TRIM2: variants seen among roughly 807,000 people sequenced by gnomAD.
TRIM2 encodes the protein tripartite motif containing 2, also known as tripartite motif-containing protein 2.
Under a neutral mutation model 75.2 loss-of-function variants are expected in TRIM2, and 20 were observed. That is an observed-to-expected ratio of 0.27 (90% CI 0.19 to 0.39). The LOEUF is 0.39. TRIM2 is among the 10% of genes least tolerant of loss of function. The pLI, the probability that TRIM2 is intolerant of heterozygous loss-of-function variation, is 1.00. For missense variants in TRIM2, 660 were observed against 990.8 expected, an observed-to-expected ratio of 0.67 and a Z score of 4.48; for synonymous variants, 373 against 388.3, an observed-to-expected ratio of 0.96 and a Z score of 0.46.
intron 9 of TRIM2, among the ~76,000 whole-genome samples, chr4:153,323,683 T>C (rs1769491329): frequency 6.6e-6 from 1 of 152,104 alleles, no homozygotes. Context: ...GAGTCTCTTT[T>C]CCAATGCTGA....
At position 153,339,083 on chromosome 4, in the gene TRIM2, TTTG is replaced by T. The variant is rs1772806147; in HGVS notation, c.*4120_*4122del. The T allele has an allele frequency of 1.0e-6, 1 of 985,854 alleles. No homozygotes were observed. The highest frequency in any genetic ancestry group is 4.7e-5 in the South Asian group (1 of 21,288). The allele number at this position is 985,854 out of a possible 1,614,324, so 61.1% of individuals were successfully genotyped here. A position where few individuals can be genotyped will look rare whatever the true frequency, so the allele number is the denominator to read the frequency against. Reference sequence around the variant, plus strand: ...CATTGATACTGATATATTCTCGTCATTTGTTCTTTTATGAATCAAAATGTTGAC... The same window carrying T: ...CATTGATACTGATATATTCTCGTCATTTCTTTTATGAATCAAAATGTTGAC... On this transcript the variant is annotated 3_prime_UTR_variant, in exon 12 of 12. Transcript: ENST00000338700.
At chr4:153,319,462 C>A (rs1444707244) in intron 8 of TRIM2, among the ~76,000 whole-genome samples, 1 of 152,156 alleles carries the variant, frequency 6.6e-6, no homozygotes, top group Non-Finnish European at 1.5e-5. Context: ...GGCACAGTGG[C>A]TCACATCTGT....
chr4:153,252,841 A>G (rs2149935194), intron 1 of TRIM2, among the ~76,000 whole-genome samples: 1 of 152,336 alleles, frequency 6.6e-6, no homozygotes, highest in South Asian at 2.1e-4. Flanking sequence ...AAACTACCAG[A>G]TATGAAGAAT....
intron 1 of TRIM2, among the ~76,000 whole-genome samples, chr4:153,264,104 C>A (rs1175376593): frequency 6.6e-6 from 1 of 152,126 alleles, no homozygotes; most frequent in Admixed American, 6.6e-5. Flanking sequence ...CAATTTTGAA[C>A]AGAATGGTCA....
At chr4:153,174,067 C>T (rs1579314402) in intron 1 of TRIM2, among the ~76,000 whole-genome samples, 1 of 53,692 alleles carries the variant, frequency 1.9e-5, no homozygotes, top group Non-Finnish European at 3.6e-5. Flanking sequence ...GCCCCAGGCC[C>T]CCGGGTGGGA....
chr4:153,266,334 T>C (rs1579145233), intron 1 of TRIM2, among the ~76,000 whole-genome samples: 1 of 141,442 alleles, frequency 7.1e-6, no homozygotes, highest in African/African-American at 2.7e-5. Context: ...CATGCCTGGC[T>C]AATTTTTGGG....
At chr4:153,221,969 AGGGAGG>A in intron 1 of TRIM2, among the ~76,000 whole-genome samples, 2 of 20,050 alleles carry the variant, frequency 1.0e-4, no homozygotes, top group African/African-American at 4.4e-4. Flanking sequence ...AGAGGGAGGA[AGGGAGG>A]AAGGAAGGAA....
chr4:153,307,122 C>T (rs1765177553), intron 6 of TRIM2, among the ~76,000 whole-genome samples: 1 of 152,138 alleles, frequency 6.6e-6, no homozygotes, highest in Admixed American at 6.5e-5. Flanking sequence ...AGAGAAATAG[C>T]TTAGAGCATC....
chr4:153,254,166 T>C (rs1751513683), intron 1 of TRIM2, among the ~76,000 whole-genome samples: 1 of 152,138 alleles, frequency 6.6e-6, no homozygotes, highest in Admixed American at 6.5e-5. Context: ...AGATGTTCAT[T>C]TTCTGGGATA....
In TRIM2 at chr4:153,335,550, A is replaced by G; in HGVS notation, c.*584A>G. On this transcript the variant is annotated 3_prime_UTR_variant, in exon 12 of 12. Transcript: ENST00000338700. ...TGATTAGCAGCCCTCTGGAGTTCAG[A>G]ACTTAAGTATCAGTGCAAATTTCTC... 4 of 985,340 alleles carry G rather than the reference A, an allele frequency of 4.1e-6. No individual in the cohort carries two copies. Among genetic ancestry groups the G allele is most frequent in the Non-Finnish European group, 4.8e-6 (4 of 829,920 alleles). 61.0% of individuals were successfully genotyped at this position (985,340 alleles called of 1,614,324 possible).
At chr4:153,208,990 C>T (rs1401587144) in intron 1 of TRIM2, among the ~76,000 whole-genome samples, 22 of 152,216 alleles carry the variant, frequency 1.4e-4, no homozygotes, top group Admixed American at 1.4e-3. Context: ...AGCATCAATT[C>T]CTTCTTCCTA....
rs1234003939 is a variant in TRIM2, at chr4:153,237,828, C to T, written c.31-32507C>T. Reference sequence around the variant, plus strand: ...TACAAATGGTTATACAAATATTATACAAATATTACAACTTAATTGTATCTT... The same window carrying T: ...TACAAATGGTTATACAAATATTATATAAATATTACAACTTAATTGTATCTT... On this transcript the variant is annotated intron_variant, in intron 1 of 11. Coordinates refer to ENST00000338700, the MANE Select transcript of TRIM2 (RefSeq NM_015271.5). Among the ~76,000 whole-genome samples the T allele has an allele frequency of 4.0e-5, 6 of 148,568 alleles. No individual in the cohort carries two copies. In the South Asian group the frequency reaches 1.2e-3, roughly 31 times the overall value.
chr4:153,252,818 C>A (rs1428417753), intron 1 of TRIM2, among the ~76,000 whole-genome samples: 1 of 152,214 alleles, frequency 6.6e-6, no homozygotes, highest in African/African-American at 2.4e-5. Flanking sequence ...TATGAAGGTA[C>A]CTTCTAAATC....
At chr4:153,181,957 A>C (rs1326148083) in intron 1 of TRIM2, among the ~76,000 whole-genome samples, 3 of 152,168 alleles carry the variant, frequency 2.0e-5, no homozygotes, top group Admixed American at 1.3e-4. Context: ...GTGTTCTAGA[A>C]AAAGACGTGA....
chr4:153,232,279 G>A (rs1207877974), intron 1 of TRIM2, among the ~76,000 whole-genome samples: 12 of 152,082 alleles, frequency 7.9e-5, no homozygotes, highest in Non-Finnish European at 1.5e-5. Flanking sequence ...TTGGGAGGCC[G>A]AGGCAGGCAG....
intron 1 of TRIM2, among the ~76,000 whole-genome samples, chr4:153,159,721 A>G (rs1729573706): frequency 6.6e-6 from 1 of 152,180 alleles, no homozygotes; most frequent in Non-Finnish European, 1.5e-5. Flanking sequence ...ACTTTTCTAA[A>G]TCTGTAAGAA....
intron 1 of TRIM2, among the ~76,000 whole-genome samples, chr4:153,226,145 A>G (rs1473688660): frequency 6.6e-6 from 1 of 152,226 alleles, no homozygotes; most frequent in African/African-American, 2.4e-5. Flanking sequence ...TGCTGGAATT[A>G]TAGGCTCGAG....
intron 1 of TRIM2, among the ~76,000 whole-genome samples, chr4:153,261,463 C>T (rs1753572053): frequency 6.6e-6 from 1 of 152,026 alleles, no homozygotes; most frequent in African/African-American, 2.4e-5. Flanking sequence ...ATAAGTCCAA[C>T]TAAAGTGGCA....
intron 1 of TRIM2, among the ~76,000 whole-genome samples, chr4:153,183,731 G>A (rs902839688): frequency 6.6e-6 from 1 of 152,168 alleles, no homozygotes; most frequent in Non-Finnish European, 1.5e-5. Context: ...AAAGGAGGAG[G>A]CCTGGAGTGC....
Sources: allele counts gnomAD v4.1 joint callset (sites outside exome capture counted in the v4.1 genomes callset), GRCh38; gene constraint gnomAD v4.1.1; transcripts MANE v1.5; gene names NCBI Gene and HGNC (gene_info 2026-07-23, HGNC 2026-07-21).